Variants in KLRG1 observed in about 807,000 individuals in gnomAD.
KLRG1 encodes the protein killer cell lectin-like receptor subfamily G member 1.
In KLRG1, 16 loss-of-function variants were observed where a neutral mutation model predicts 21.8. That is an observed-to-expected ratio of 0.73 (90% CI 0.50 to 1.11). The LOEUF (loss-of-function observed/expected upper bound fraction) is 1.11, where lower values mean the gene tolerates loss of function less well. Among genes scored for constraint, KLRG1 ranks in the 50% most tolerant of loss-of-function variants. The pLI is 0.00. For synonymous variants in KLRG1, 69 were observed against 75.9 expected, an observed-to-expected ratio of 0.91 and a Z score of 0.47; for missense variants, 173 against 218.3, an observed-to-expected ratio of 0.79 and a Z score of 1.31.
chr12:9,177,697 C>T, the KLRG1 span, among the ~76,000 whole-genome samples: 1 of 152,202 alleles, frequency 6.6e-6, no homozygotes, highest in African/African-American at 2.4e-5. Flanking sequence ...AGCGACCACG[C>T]TTAAACGTTT....
At chr12:8,984,664 G>A (rs892462378), upstream of KLRG1, among the ~76,000 whole-genome samples, 1 of 152,074 alleles carries the variant, frequency 6.6e-6, no homozygotes, top group African/African-American at 2.4e-5. Flanking sequence ...TATTCATTAT[G>A]ACTATATTTT....
At chr12:9,200,425 C>A in the KLRG1 span, 1 of 1,611,006 alleles carries the variant, frequency 6.2e-7, no homozygotes. Context: ...GGCACCTGAA[C>A]TTTGACCTCA....
the KLRG1 span, chr12:9,160,543 A>G: frequency 2.6e-6 from 4 of 1,530,712 alleles, no homozygotes; most frequent in Non-Finnish European, 3.6e-6. Context: ...ATAAATAGCC[A>G]ACATTATTAA....
the KLRG1 span, chr12:9,106,740 A>ATTTAGT: frequency 2.3e-6 from 1 of 437,654 alleles, no homozygotes; most frequent in Admixed American, 3.9e-5. Flanking sequence ...CACAATAAAT[A>ATTTAGT]TTCTCTAGCA....
chr12:9,161,134 C>G, the KLRG1 span: 2 of 1,524,642 alleles, frequency 1.3e-6, no homozygotes, highest in African/African-American at 1.4e-5. Flanking sequence ...AACAGACAGC[C>G]CATGTTAAAG....
At chr12:9,098,720 C>T in the KLRG1 span, 5 of 1,612,864 alleles carry the variant, frequency 3.1e-6, no homozygotes, top group Non-Finnish European at 4.2e-6. Context: ...GCGTGTGAGG[C>T]TGGGAGACTT....
chr12:9,022,212 G>A, the KLRG1 span, among the ~76,000 whole-genome samples: 1 of 152,144 alleles, frequency 6.6e-6, no homozygotes, highest in African/African-American at 2.4e-5. Context: ...ATCATGTACT[G>A]TACATAATTG....
At chr12:9,109,810 A>G in the KLRG1 span, 2 of 1,496,454 alleles carry the variant, frequency 1.3e-6, no homozygotes, top group South Asian at 2.7e-5. Flanking sequence ...AAATTCCAGG[A>G]CCTAAGAGTT....
the KLRG1 span, chr12:9,106,127 T>C: frequency 1.6e-6 from 1 of 613,972 alleles, no homozygotes; most frequent in Non-Finnish European, 2.9e-6. Context: ...ATACTTTTGG[T>C]TATATTAAAT....
chr12:9,081,106 G>C, the KLRG1 span, among the ~76,000 whole-genome samples: 1 of 151,982 alleles, frequency 6.6e-6, no homozygotes, highest in East Asian at 1.9e-4. Flanking sequence ...ATGACCAAGT[G>C]AAAGAAAATA....
the KLRG1 span, among the ~76,000 whole-genome samples, chr12:9,030,223 G>C: frequency 6.6e-6 from 1 of 152,146 alleles, no homozygotes. Flanking sequence ...ATGAGAACGG[G>C]TAGTGGATGG....
At chr12:9,103,233 A>G in the KLRG1 span, among the ~76,000 whole-genome samples, 4 of 152,212 alleles carry the variant, frequency 2.6e-5, no homozygotes, top group Non-Finnish European at 5.9e-5. Flanking sequence ...TTCAACATGT[A>G]TGATTTCACT....
At chr12:9,069,935 A>G in the KLRG1 span, 2 of 800,942 alleles carry the variant, frequency 2.5e-6, no homozygotes, top group East Asian at 2.5e-5. Context: ...TGCTTTTTGT[A>G]AGGAAATATA....
the KLRG1 span, among the ~76,000 whole-genome samples, chr12:9,097,313 A>C: frequency 6.6e-6 from 1 of 152,216 alleles, no homozygotes; most frequent in Non-Finnish European, 1.5e-5. Context: ...AGGAAAATAA[A>C]AATATAAATT....
At chr12:9,162,491 T>C in the KLRG1 span, 3 of 806,904 alleles carry the variant, frequency 3.7e-6, no homozygotes, top group South Asian at 4.9e-5. Context: ...CTGACTTTCA[T>C]GGAACACTCT....
chr12:9,044,380 A>G, the KLRG1 span, among the ~76,000 whole-genome samples: 1 of 152,192 alleles, frequency 6.6e-6, no homozygotes, highest in Non-Finnish European at 1.5e-5. Flanking sequence ...AAAAGTACAA[A>G]CAGGCTTGGC....
the KLRG1 span, chr12:9,069,201 CA>C: frequency 0.37 from 62,358 of 170,128 alleles, 12,218 homozygotes; most frequent in African/African-American, 0.47. Flanking sequence ...CTCAAAGAGG[CA>C]TCTAAAAGGT....
the KLRG1 span, among the ~76,000 whole-genome samples, chr12:9,177,975 T>G: frequency 1.3e-5 from 2 of 152,220 alleles, no homozygotes; most frequent in African/African-American, 4.8e-5. Context: ...TTTCTTGTTT[T>G]GGGTTAACTT....
At chr12:9,090,679 T>G in the KLRG1 span, 1 of 574,014 alleles carries the variant, frequency 1.7e-6, no homozygotes, top group Non-Finnish European at 3.0e-6. Flanking sequence ...TCTGAGTTAT[T>G]TTGGAAGCAA....
Sources: gnomAD v4.1 joint callset for allele counts (sites outside exome capture counted in the v4.1 genomes callset) on GRCh38, gnomAD v4.1.1 for gene constraint, MANE v1.5 for transcripts, NCBI Gene and HGNC (gene_info 2026-07-23, HGNC 2026-07-21) for gene names.